Variants in SNX16 observed in about 807,000 individuals in gnomAD.
SNX16 encodes the protein sorting nexin 16.
Under a neutral mutation model 36.7 loss-of-function variants are expected in SNX16, and 35 were observed. That is an observed-to-expected ratio of 0.95 (90% CI 0.73 to 1.27). The LOEUF is 1.27. Among genes scored for constraint, SNX16 ranks in the 50% most tolerant of loss-of-function variants. The probability of loss-of-function intolerance (pLI) is 0.00; values close to 1 mark genes in which losing one functional copy is unlikely to be tolerated. For missense variants in SNX16, 367 were observed against 393.6 expected (o/e 0.93, Z 0.57); for synonymous variants, 134 against 132.0 (o/e 1.02, Z -0.10).
At chr8:81,806,963 C>A (rs1264005474) in intron 5 of SNX16, among the ~76,000 whole-genome samples, 3 of 151,512 alleles carry the variant, frequency 2.0e-5, no homozygotes, top group African/African-American at 7.3e-5. Flanking sequence ...AAAAAAAACC[C>A]TCCATATGCA....
chr8:81,826,300 T>C (rs1050941532), intron 3 of SNX16, among the ~76,000 whole-genome samples: 1 of 152,128 alleles, frequency 6.6e-6, no homozygotes, highest in Non-Finnish European at 1.5e-5. Flanking sequence ...ACTGAATGCC[T>C]GGTTGCATCT....
intron 2 of SNX16, among the ~76,000 whole-genome samples, chr8:81,838,952 G>A (rs1811615165): frequency 1.3e-5 from 2 of 151,984 alleles, no homozygotes; most frequent in South Asian, 4.1e-4. Context: ...ATCATGCACA[G>A]ATATTTCACA....
intron 5 of SNX16, 57 bp downstream of exon 5, chr8:81,815,268 G>A: frequency 7.7e-7 from 1 of 1,295,060 alleles, no homozygotes; most frequent in South Asian, 1.4e-5. Flanking sequence ...AAACAATGTA[G>A]TTATTGTACT....
In SNX16 at chr8:81,801,394, C is replaced by T. The variant is rs1809679224; in HGVS notation, c.*103G>A. 4.9e-6 allele frequency: 3 copies of T among 612,762 alleles called. No homozygotes were observed. The South Asian group carries it at 1.1e-4, about 21-fold the overall frequency. 38.0% of individuals were successfully genotyped at this position (612,762 alleles called of 1,614,324 possible). On this transcript the variant is annotated 3_prime_UTR_variant, in exon 8 of 8. Coordinates refer to ENST00000345957, the MANE Select transcript of SNX16 (RefSeq NM_152836.3). ...AACTTTATACATGTGCATTCTTGCT[C>T]TTTTCTATATGTTTTACAGTTCTTG...
chr8:81,806,539 A>G (rs1264617031), intron 5 of SNX16, among the ~76,000 whole-genome samples: 1 of 152,174 alleles, frequency 6.6e-6, no homozygotes, highest in Non-Finnish European at 1.5e-5. Flanking sequence ...ACAAATCAAC[A>G]TAACTCACAA....
chr8:81,815,288 G>A, intron 5 of SNX16, 37 bp downstream of exon 5: 1 of 1,493,156 alleles, frequency 6.7e-7, no homozygotes, highest in Admixed American at 1.8e-5. Flanking sequence ...TGCATTAATT[G>A]TTCCTCTTTT....
At chr8:81,818,705 C>T (rs1810600860) in intron 4 of SNX16, among the ~76,000 whole-genome samples, 1 of 152,024 alleles carries the variant, frequency 6.6e-6, no homozygotes, top group Admixed American at 6.6e-5. Flanking sequence ...TATATGTTAG[C>T]CTTGCTATTC....
At chr8:81,829,311 AT>A (rs1412653301) in intron 3 of SNX16, 118 bp downstream of exon 3, 3 of 270,210 alleles carry the variant, frequency 1.1e-5, no homozygotes, top group Non-Finnish European at 1.9e-5. Flanking sequence ...TAAAAAATTA[AT>A]TTTCTTATGA....
At chr8:81,809,179 A>G (rs1252072052) in intron 5 of SNX16, among the ~76,000 whole-genome samples, 1 of 152,196 alleles carries the variant, frequency 6.6e-6, no homozygotes, top group African/African-American at 2.4e-5. Context: ...GAATTTACAT[A>G]CAACCTGCTT....
intron 5 of SNX16, among the ~76,000 whole-genome samples, chr8:81,813,372 A>G (rs1318167343): frequency 4.6e-5 from 7 of 151,876 alleles, no homozygotes; most frequent in Admixed American, 3.9e-4. Flanking sequence ...AACAAAACGA[A>G]CTAAAAAAAA....
At chr8:81,840,989 T>C (rs1811731013) in intron 1 of SNX16, among the ~76,000 whole-genome samples, 3 of 152,178 alleles carry the variant, frequency 2.0e-5, no homozygotes, top group Admixed American at 2.0e-4. Flanking sequence ...TACGAAACTC[T>C]ACTGGTGGGA....
chr8:81,833,523 C>A (rs549595890), intron 2 of SNX16, among the ~76,000 whole-genome samples: 1 of 152,208 alleles, frequency 6.6e-6, no homozygotes, highest in East Asian at 1.9e-4. Context: ...AAAAGAAATT[C>A]TTTTTAGGAG....
intron 5 of SNX16, among the ~76,000 whole-genome samples, chr8:81,804,773 C>T (rs1488496094): frequency 6.6e-6 from 1 of 152,026 alleles, no homozygotes; most frequent in Non-Finnish European, 1.5e-5. Flanking sequence ...TTCTCCCCTA[C>T]CAAAAGTTGT....
chr8:81,801,426 C>T lies in SNX16; in HGVS notation c.*71G>A. ...ATATGTTTTACAGTTCTTGGTTCTT[C>T]TTTTAAAATAGTATTTGCCACTCTT... On this transcript the variant is annotated 3_prime_UTR_variant, in exon 8 of 8. Transcript: ENST00000345957. The T allele has an allele frequency of 1.2e-6, 1 of 851,662 alleles. No homozygotes were observed. 52.8% of individuals were successfully genotyped at this position (851,662 alleles called of 1,614,324 possible).
At chr8:81,802,303 A>T in intron 7 of SNX16, 77 bp downstream of exon 7, 1 of 1,157,928 alleles carries the variant, frequency 8.6e-7, no homozygotes, top group African/African-American at 1.6e-5. Flanking sequence ...TTCATAAAAA[A>T]ATACTCTATA....
chr8:81,841,449 G>A (rs1772257567), intron 1 of SNX16, among the ~76,000 whole-genome samples: 1 of 151,334 alleles, frequency 6.6e-6, no homozygotes, highest in African/African-American at 2.4e-5. Context: ...CCTCGGTTCC[G>A]CCTGACGGCC....
At position 81,801,354 on chromosome 8, in the gene SNX16, A is replaced by G. The variant is rs545989385; in HGVS notation, c.*143T>C. The G allele has an allele frequency of 1.6e-5, 7 of 439,324 alleles. No homozygotes were observed. The South Asian group carries it at 4.0e-4, about 25-fold the overall frequency. The allele number at this position is 439,324 out of a possible 1,614,324, so 27.2% of individuals were successfully genotyped here. A position where few individuals can be genotyped will look rare whatever the true frequency, so the allele number is the denominator to read the frequency against. On this transcript the variant is annotated 3_prime_UTR_variant, in exon 8 of 8. Transcript: ENST00000345957. ...TATTTCCTATCTCAATAACTTAAAA[A>G]AACTTCTTTATGTAAACTTTATACA...
intron 2 of SNX16, among the ~76,000 whole-genome samples, chr8:81,833,960 AG>A (rs1440892659): frequency 1.3e-5 from 2 of 152,236 alleles, no homozygotes; most frequent in African/African-American, 2.4e-5. Flanking sequence ...ATATACAAAA[AG>A]TGTGCAATTC....
intron 2 of SNX16, among the ~76,000 whole-genome samples, chr8:81,838,397 C>T (rs1477532723): frequency 1.3e-5 from 2 of 151,924 alleles, no homozygotes; most frequent in African/African-American, 2.4e-5. Flanking sequence ...CATATCAAGA[C>T]CTATTATAAG....
Sources: allele counts gnomAD v4.1 joint callset (sites outside exome capture counted in the v4.1 genomes callset), GRCh38; gene constraint gnomAD v4.1.1; transcripts MANE v1.5; gene names NCBI Gene and HGNC (gene_info 2026-07-23, HGNC 2026-07-21).